Variants in PHF21B observed in about 807,000 individuals in gnomAD.
The protein encoded by PHF21B is PHD finger protein 21B.
Under a neutral mutation model 62.2 loss-of-function variants are expected in PHF21B, and 22 were observed. The observed-to-expected ratio is 0.35, with a 90% CI of 0.25 to 0.51. The LOEUF is 0.51. PHF21B is among the 20% of genes least tolerant of loss of function. The pLI is 0.97. For missense variants in PHF21B, 701 were observed against 707.9 expected (o/e 0.99, Z 0.11); for synonymous variants, 341 against 314.7 (o/e 1.08, Z -0.88).
chr22:44,882,774 C>T lies in PHF21B; in HGVS notation c.*312G>A. 3.2e-6 allele frequency: 1 copy of T among 315,864 alleles called. No homozygotes were observed. Among genetic ancestry groups the T allele is most frequent in the Non-Finnish European group, 5.9e-6 (1 of 170,792 alleles). The allele number at this position is 315,864 out of a possible 1,614,324, so 19.6% of individuals were successfully genotyped here. ...GCCCCTCCAACGGGCCAGAGGGAGG[C>T]CGTGGAGAGCAGGGCCTGGAAGCCA... On this transcript the variant is annotated 3_prime_UTR_variant, in exon 13 of 13. Transcript: ENST00000313237.
At chr22:44,893,562 G>A in intron 6 of PHF21B, 29 bp from the exon 7 acceptor site, 1 of 1,575,390 alleles carries the variant, frequency 6.3e-7, no homozygotes, top group Non-Finnish European at 8.6e-7. Context: ...AGCAGTTACT[G>A]GGTCCTGCCT....
chr22:44,977,681 C>T (rs1006014726), intron 2 of PHF21B, among the ~76,000 whole-genome samples: 1 of 151,614 alleles, frequency 6.6e-6, no homozygotes, highest in Non-Finnish European at 1.5e-5. Flanking sequence ...TGGGCTCAGG[C>T]GATCTTCTCA....
chr22:45,004,570 G>A (rs1362094940), intron 2 of PHF21B, among the ~76,000 whole-genome samples: 2 of 152,208 alleles, frequency 1.3e-5, no homozygotes, highest in African/African-American at 4.8e-5. Context: ...AATGAGAACT[G>A]GCACTTTACA....
chr22:44,895,948 C>G, intron 6 of PHF21B, 84 bp downstream of exon 6: 6 of 1,459,030 alleles, frequency 4.1e-6, no homozygotes, highest in Non-Finnish European at 4.8e-6. Context: ...AAGCCCAGAC[C>G]ACCCATCATC....
chr22:44,932,213 T>C (rs919963081), intron 2 of PHF21B, among the ~76,000 whole-genome samples: 1 of 152,186 alleles, frequency 6.6e-6, no homozygotes, highest in African/African-American at 2.4e-5. Flanking sequence ...ATGGGCTTGC[T>C]GTAAGGGCTG....
chr22:44,929,012 G>A (rs903710025), intron 2 of PHF21B, among the ~76,000 whole-genome samples: 11 of 129,630 alleles, frequency 8.5e-5, no homozygotes, highest in Non-Finnish European at 1.2e-4. Context: ...CATGGAAGGC[G>A]GCCTTGCTCT....
chr22:44,921,067 G>A (rs1445802002), intron 2 of PHF21B, among the ~76,000 whole-genome samples: 1 of 152,250 alleles, frequency 6.6e-6, no homozygotes, highest in Non-Finnish European at 1.5e-5. Flanking sequence ...ATATTTTCAG[G>A]CCCTTGGTGC....
chr22:44,913,562 G>A (rs1463755613), intron 5 of PHF21B, among the ~76,000 whole-genome samples: 2 of 152,244 alleles, frequency 1.3e-5, no homozygotes, highest in Middle Eastern at 3.2e-3. Context: ...TGGCAGTGCA[G>A]GACCCATGCA....
chr22:44,994,633 A>G (rs982809823), intron 2 of PHF21B, among the ~76,000 whole-genome samples: 4 of 152,208 alleles, frequency 2.6e-5, no homozygotes, highest in Non-Finnish European at 5.9e-5. Flanking sequence ...TAAGGCTCAG[A>G]GAGAAAAGTA....
chr22:44,944,909 C>T (rs2072033991), intron 2 of PHF21B, among the ~76,000 whole-genome samples: 1 of 151,950 alleles, frequency 6.6e-6, no homozygotes, highest in Non-Finnish European at 1.5e-5. Context: ...TGGGCCTCGA[C>T]GGTCACTCCT....
At chr22:45,008,242 C>A in intron 2 of PHF21B, 1 of 258,568 alleles carries the variant, frequency 3.9e-6, no homozygotes, top group Non-Finnish European at 7.3e-6. Flanking sequence ...GACTCCGAGC[C>A]GGGAGAAATC....
chr22:44,974,738 C>G (rs530932379), intron 2 of PHF21B, among the ~76,000 whole-genome samples: 1 of 152,190 alleles, frequency 6.6e-6, no homozygotes, highest in African/African-American at 2.4e-5. Context: ...GCCTCCCATG[C>G]TGGGTTTACA....
At chr22:44,892,790 T>C (rs2070989249) in intron 7 of PHF21B, among the ~76,000 whole-genome samples, 1 of 152,232 alleles carries the variant, frequency 6.6e-6, no homozygotes, top group Admixed American at 6.5e-5. Context: ...CTAAGAATTT[T>C]GGACTGTCAT....
At chr22:44,999,775 G>T (rs895679069) in intron 2 of PHF21B, among the ~76,000 whole-genome samples, 28 of 152,046 alleles carry the variant, frequency 1.8e-4, no homozygotes, top group African/African-American at 6.8e-4. Flanking sequence ...CTCACCAGGG[G>T]TGTGATCTCA....
At chr22:44,953,928 A>G (rs1045475880) in intron 2 of PHF21B, among the ~76,000 whole-genome samples, 31 of 152,330 alleles carry the variant, frequency 2.0e-4, no homozygotes, top group African/African-American at 7.5e-4. Context: ...CCACCCCGCC[A>G]GGAGAGGTGA....
chr22:44,885,071 G>A (rs2070831454), intron 12 of PHF21B, among the ~76,000 whole-genome samples: 1 of 152,268 alleles, frequency 6.6e-6, no homozygotes, highest in East Asian at 1.9e-4. Flanking sequence ...TTTGTTGAAT[G>A]AGTCACAGCG....
chr22:44,932,338 T>C (rs572329989), intron 2 of PHF21B, among the ~76,000 whole-genome samples: 157 of 152,292 alleles, frequency 1.0e-3, no homozygotes, highest in African/African-American at 3.6e-3. Context: ...CTCGTCCCTG[T>C]GTCACAGACT....
At chr22:44,888,324 G>A (rs2070897098) in intron 9 of PHF21B, among the ~76,000 whole-genome samples, 1 of 152,180 alleles carries the variant, frequency 6.6e-6, no homozygotes, top group Non-Finnish European at 1.5e-5. Context: ...GGGAGGAGGG[G>A]GGGCACCCAC....
At chr22:44,915,713 G>A (rs2071420002) in intron 4 of PHF21B, among the ~76,000 whole-genome samples, 1 of 152,240 alleles carries the variant, frequency 6.6e-6, no homozygotes, top group South Asian at 2.1e-4. Context: ...CAGAGAGAAA[G>A]AGGCCACAGA....
Sources: allele counts gnomAD v4.1 joint callset (sites outside exome capture counted in the v4.1 genomes callset), GRCh38; gene constraint gnomAD v4.1.1; transcripts MANE v1.5; gene names NCBI Gene and HGNC (gene_info 2026-07-23, HGNC 2026-07-21).